The following FOXP1 variants were observed in gnomAD, a reference collection of about 807,000 sequenced individuals.
The protein encoded by FOXP1 is forkhead box P1, also known as forkhead box protein P1.
FOXP1 carries 15 observed loss-of-function variants against 98.2 expected under a neutral mutation model. The ratio of observed to expected loss-of-function variants is 0.15; its 90% CI spans 0.10 to 0.24. The LOEUF (loss-of-function observed/expected upper bound fraction) is 0.24, where lower values mean the gene tolerates loss of function less well. Among genes scored for constraint, FOXP1 ranks in the 10% least tolerant of loss-of-function variants. FOXP1 has a pLI of 1.00. For synonymous variants in FOXP1, 371 were observed against 314.5 expected, an observed-to-expected ratio of 1.18 and a Z score of -1.90; for missense variants, 633 against 848.5, an observed-to-expected ratio of 0.75 and a Z score of 3.15.
At chr3:71,090,154 G>A (rs2055637164) in intron 7 of FOXP1, among the ~76,000 whole-genome samples, 1 of 152,116 alleles carries the variant, frequency 6.6e-6, no homozygotes, top group Non-Finnish European at 1.5e-5. Flanking sequence ...AATCTCTAAT[G>A]GGGAATCAAT....
chr3:71,328,324 GAGGCTCCCAGCTGA>G (rs1272913579), intron 4 of FOXP1, among the ~76,000 whole-genome samples: 1 of 152,106 alleles, frequency 6.6e-6, no homozygotes, highest in Non-Finnish European at 1.5e-5. Context: ...GGCAAATCAG[GAGGCTCCCAGCTGA>G]AGAACTGTGC....
chr3:71,426,466 A>T (rs149318551), intron 3 of FOXP1, among the ~76,000 whole-genome samples: 2 of 152,294 alleles, frequency 1.3e-5, no homozygotes, highest in African/African-American at 4.8e-5. Context: ...AAGACGACCC[A>T]AGTGGAATGA....
At chr3:71,440,122 C>T (rs1259913444) in intron 3 of FOXP1, among the ~76,000 whole-genome samples, 1 of 151,972 alleles carries the variant, frequency 6.6e-6, no homozygotes, top group African/African-American at 2.4e-5. Flanking sequence ...ATGCTGGTTG[C>T]CAGGGGAGGA....
intron 2 of FOXP1, among the ~76,000 whole-genome samples, chr3:71,577,380 T>G (rs967806267): frequency 1.3e-4 from 19 of 151,954 alleles, no homozygotes; most frequent in Admixed American, 1.1e-3. Flanking sequence ...AAGCCAAATC[T>G]GCTTAATTTC....
At chr3:71,046,701 T>G (rs2049078787) in intron 10 of FOXP1, among the ~76,000 whole-genome samples, 1 of 152,152 alleles carries the variant, frequency 6.6e-6, no homozygotes, top group Non-Finnish European at 1.5e-5. Context: ...ACTCCAAGAG[T>G]GTCCAACAGT....
At chr3:71,122,214 A>C (rs1395346767) in intron 6 of FOXP1, among the ~76,000 whole-genome samples, 1 of 152,208 alleles carries the variant, frequency 6.6e-6, no homozygotes, top group Non-Finnish European at 1.5e-5. Context: ...CCTAAGAGGC[A>C]ATTAACACCT....
intron 7 of FOXP1, among the ~76,000 whole-genome samples, chr3:71,081,976 G>C (rs1264277130): frequency 6.6e-6 from 1 of 152,206 alleles, no homozygotes; most frequent in Admixed American, 6.5e-5. Context: ...GCAAAGTGCA[G>C]ACATAGAATA....
chr3:70,992,129 G>A (rs1384673925), intron 13 of FOXP1, among the ~76,000 whole-genome samples: 1 of 152,156 alleles, frequency 6.6e-6, no homozygotes, highest in Non-Finnish European at 1.5e-5. Flanking sequence ...ACCTAAACAT[G>A]CTGGAGCCAA....
At chr3:71,396,991 TATACAC>T (rs1216452963) in intron 3 of FOXP1, among the ~76,000 whole-genome samples, 1 of 76,654 alleles carries the variant, frequency 1.3e-5, no homozygotes, top group East Asian at 2.8e-4. Flanking sequence ...TGTGTATATA[TATACAC>T]ATATATATGT....
intron 5 of FOXP1, among the ~76,000 whole-genome samples, chr3:71,202,372 A>T (rs2063731448): frequency 6.6e-6 from 1 of 152,234 alleles, no homozygotes; most frequent in African/African-American, 2.4e-5. Context: ...CTTTTTGAAA[A>T]GCACATGTGA....
intron 14 of FOXP1, among the ~76,000 whole-genome samples, chr3:70,985,998 T>G (rs2039664918): frequency 6.6e-6 from 1 of 152,270 alleles, no homozygotes; most frequent in South Asian, 2.1e-4. Context: ...AAAGAAATAC[T>G]GTGCTGAGCT....
intron 7 of FOXP1, among the ~76,000 whole-genome samples, chr3:71,094,654 A>G (rs2056282706): frequency 6.6e-6 from 1 of 152,008 alleles, no homozygotes; most frequent in African/African-American, 2.4e-5. Context: ...AGTCATAGAG[A>G]TATCCTGAAT....
At chr3:71,419,059 A>AC (rs1290091396) in intron 3 of FOXP1, among the ~76,000 whole-genome samples, 1 of 151,804 alleles carries the variant, frequency 6.6e-6, no homozygotes, top group Non-Finnish European at 1.5e-5. Flanking sequence ...ACATGGTGAA[A>AC]CCCCATCTCT....
chr3:71,525,856 T>C (rs2043336925), intron 2 of FOXP1, among the ~76,000 whole-genome samples: 1 of 152,092 alleles, frequency 6.6e-6, no homozygotes, highest in Non-Finnish European at 1.5e-5. Flanking sequence ...TGGCTCACGC[T>C]TGTAATCCTA....
intron 7 of FOXP1, among the ~76,000 whole-genome samples, chr3:71,112,117 TG>T (rs1397460232): frequency 0.013 from 12 of 938 alleles, no homozygotes; most frequent in African/African-American, 0.019. Context: ...TGGTGGTGGG[TG>T]GGGGGGTGGG....
intron 7 of FOXP1, among the ~76,000 whole-genome samples, chr3:71,111,758 T>C (rs1575759736): frequency 1.3e-5 from 2 of 152,328 alleles, no homozygotes; most frequent in East Asian, 1.9e-4. Flanking sequence ...TTGCCTTCAA[T>C]GTGCCTGAAA....
intron 6 of FOXP1, chr3:71,130,581 G>A: frequency 1.3e-6 from 2 of 1,598,458 alleles, no homozygotes; most frequent in Non-Finnish European, 1.7e-6. Context: ...GGTTCTGGCT[G>A]TTTCTGCGAA....
At chr3:70,977,158 T>TCA in intron 16 of FOXP1, 116 bp from the exon 17 acceptor site, 4 of 746,288 alleles carry the variant, frequency 5.4e-6, no homozygotes, top group Non-Finnish European at 9.5e-6. Context: ...TGAGAAAGGT[T>TCA]TTACAAAATG....
At chr3:70,997,206 C>T (rs1209233337) in intron 13 of FOXP1, among the ~76,000 whole-genome samples, 5 of 152,176 alleles carry the variant, frequency 3.3e-5, no homozygotes, top group South Asian at 4.1e-4. Flanking sequence ...GGCTGTTTGA[C>T]GACAAGCACA....
Sources: allele counts gnomAD v4.1 joint callset (sites outside exome capture counted in the v4.1 genomes callset), GRCh38; gene constraint gnomAD v4.1.1; transcripts MANE v1.5; gene names NCBI Gene and HGNC (gene_info 2026-07-23, HGNC 2026-07-21).